Variants in ARHGAP26 observed in about 807,000 individuals in gnomAD.
The protein encoded by ARHGAP26 is rho GTPase-activating protein 26.
Under a neutral mutation model 104.8 loss-of-function variants are expected in ARHGAP26, and 38 were observed. That is an observed-to-expected ratio of 0.36 (90% CI 0.28 to 0.48). ARHGAP26 has a LOEUF of 0.48. Ranked by LOEUF, ARHGAP26 falls within the 20% of genes least tolerant of loss-of-function variation. ARHGAP26 has a pLI of 0.99. For synonymous variants in ARHGAP26, 341 were observed against 340.0 expected (o/e 1.00, Z -0.03); for missense variants, 704 against 947.9 (o/e 0.74, Z 3.38).
At chr5:142,817,563 G>C (rs1299914975) in intron 1 of ARHGAP26, among the ~76,000 whole-genome samples, 2 of 152,122 alleles carry the variant, frequency 1.3e-5, no homozygotes, top group African/African-American at 4.8e-5. Flanking sequence ...ATTGGGTCTG[G>C]GGTCGGGCCT....
intron 17 of ARHGAP26, among the ~76,000 whole-genome samples, chr5:143,114,214 GTC>G (rs1380773378): frequency 6.6e-6 from 1 of 152,200 alleles, no homozygotes; most frequent in African/African-American, 2.4e-5. Context: ...CCAGGCCTCA[GTC>G]AGTACACAGA....
chr5:142,945,031 C>T (rs1411495302), intron 11 of ARHGAP26, among the ~76,000 whole-genome samples: 2 of 152,164 alleles, frequency 1.3e-5, no homozygotes, highest in African/African-American at 2.4e-5. Flanking sequence ...TCCTCATTCA[C>T]CAGGCTGTGT....
rs1811788333 is a variant in ARHGAP26 at position 143,227,863 on chromosome 5, A to T, written c.*5417A>T. ...AATATTATGCTTACTGAGGAGAAAA[A>T]AAAAAGCGATCACAGAAAAATTTCA... On this transcript the variant is annotated 3_prime_UTR_variant, in exon 23 of 23. Coordinates refer to ENST00000645722, the MANE Select transcript of ARHGAP26 (RefSeq NM_001135608.3). The T allele has an allele frequency of 9.0e-6, 2 of 222,660 alleles. No homozygotes were observed. The highest frequency in any genetic ancestry group is 5.7e-5 in the Admixed American group (1 of 17,410). 13.8% of individuals were successfully genotyped at this position (222,660 alleles called of 1,614,324 possible).
chr5:143,132,804 G>A (rs1201273835), intron 18 of ARHGAP26, among the ~76,000 whole-genome samples: 1 of 150,470 alleles, frequency 6.6e-6, no homozygotes, highest in African/African-American at 2.4e-5. Flanking sequence ...AAAGGTGTGT[G>A]TTGATTGAAT....
chr5:142,773,693 G>A (rs574109853), intron 1 of ARHGAP26, among the ~76,000 whole-genome samples: 1 of 152,298 alleles, frequency 6.6e-6, no homozygotes, highest in East Asian at 1.9e-4. Context: ...GGGCTTTGAA[G>A]GCTAGAGGGA....
At chr5:143,054,328 G>T in intron 14 of ARHGAP26, 111 bp from the exon 15 acceptor site, 2 of 619,562 alleles carry the variant, frequency 3.2e-6, no homozygotes, top group Non-Finnish European at 2.7e-6. Context: ...TGTCATTTTT[G>T]TTTTACTTTG....
rs1431125405 is a variant in ARHGAP26 at position 143,014,252 on chromosome 5, A to G, written c.1144+136A>G. ...CTCCAGTTCCCGAGTGCAGTGGGAC[A>G]TGCCTCCACCCCAACTTTCCGCCAG... On this transcript the variant is annotated intron_variant, in intron 12 of 22. Transcript: ENST00000645722. 2.3e-5 allele frequency: 21 copies of G among 912,110 alleles called. No homozygotes were observed. In the East Asian group the frequency reaches 4.6e-4, roughly 20 times the overall value. 56.5% of individuals were successfully genotyped at this position (912,110 alleles called of 1,614,324 possible). A position where few individuals can be genotyped will look rare whatever the true frequency, so the allele number is the denominator to read the frequency against.
chr5:143,064,217 G>A (rs568715574), intron 17 of ARHGAP26, among the ~76,000 whole-genome samples: 105 of 152,132 alleles, frequency 6.9e-4, no homozygotes, highest in African/African-American at 2.5e-3. Flanking sequence ...AACAGTCCCT[G>A]TTGTCTCTTG....
At chr5:142,801,186 G>C (rs530837777) in intron 1 of ARHGAP26, among the ~76,000 whole-genome samples, 1 of 152,200 alleles carries the variant, frequency 6.6e-6, no homozygotes, top group South Asian at 2.1e-4. Flanking sequence ...CTTTCCTCTG[G>C]GTTTGAGCTG....
At chr5:143,079,986 G>A (rs1562383197) in intron 17 of ARHGAP26, among the ~76,000 whole-genome samples, 2 of 152,182 alleles carry the variant, frequency 1.3e-5, no homozygotes, top group African/African-American at 4.8e-5. Context: ...ATACTGGGGA[G>A]CCTCAGGAGT....
At chr5:142,910,524 A>C (rs1761699103) in intron 9 of ARHGAP26, among the ~76,000 whole-genome samples, 2 of 152,214 alleles carry the variant, frequency 1.3e-5, no homozygotes, top group African/African-American at 4.8e-5. Context: ...GGATCACCTG[A>C]GGTCAGGAGT....
intron 8 of ARHGAP26, among the ~76,000 whole-genome samples, chr5:142,904,211 C>T (rs1459916514): frequency 6.6e-6 from 1 of 151,990 alleles, no homozygotes; most frequent in African/African-American, 2.4e-5. Flanking sequence ...AAGAAGAAGG[C>T]TGCATGCGGT....
intron 17 of ARHGAP26, among the ~76,000 whole-genome samples, chr5:143,086,928 C>A (rs1347640823): frequency 6.6e-6 from 1 of 152,214 alleles, no homozygotes; most frequent in Non-Finnish European, 1.5e-5. Flanking sequence ...CCTACCTCCA[C>A]TGTCTCAAAT....
At chr5:142,999,182 A>G (rs1022452633) in intron 11 of ARHGAP26, among the ~76,000 whole-genome samples, 1 of 152,186 alleles carries the variant, frequency 6.6e-6, no homozygotes, top group African/African-American at 2.4e-5. Flanking sequence ...TCCCACAGTA[A>G]GGCAGTGACT....
At chr5:143,086,551 A>T (rs1375620216) in intron 17 of ARHGAP26, among the ~76,000 whole-genome samples, 1 of 152,190 alleles carries the variant, frequency 6.6e-6, no homozygotes, top group Non-Finnish European at 1.5e-5. Context: ...GTAAGAAATG[A>T]CTTCAAGGAG....
intron 20 of ARHGAP26, among the ~76,000 whole-genome samples, chr5:143,194,550 A>G (rs2151276772): frequency 6.6e-6 from 1 of 152,314 alleles, no homozygotes; most frequent in Middle Eastern, 3.4e-3. Flanking sequence ...TATCCAGAGT[A>G]AATTTGGATC....
chr5:142,913,155 C>T (rs564780387), intron 9 of ARHGAP26, 44 bp from the exon 10 acceptor site: 1 of 1,509,664 alleles, frequency 6.6e-7, no homozygotes, highest in African/African-American at 1.4e-5. Context: ...AGGAGTAGAG[C>T]TCCCATTCTG....
rs115472900 is a variant in ARHGAP26 at position 143,051,510 on chromosome 5, G to A, written c.1286-2929G>A. 5.3e-3 allele frequency among the ~76,000 whole-genome samples: 805 copies of A among 152,296 alleles called. 16 individuals are homozygous for A. The highest frequency in any genetic ancestry group is 0.018 in the African/African-American group (750 of 41,548). The stretch of plus-strand genomic sequence containing the variant: ...AGAAGAGTGTAAATGACGTCTCTGT[G>A]GCATATTCAGATGCCATCAGGAAGC... On this transcript the variant is annotated intron_variant, in intron 14 of 22. Coordinates refer to ENST00000645722, the MANE Select transcript of ARHGAP26 (RefSeq NM_001135608.3).
At chr5:142,835,352 C>T (rs1056948997) in intron 1 of ARHGAP26, among the ~76,000 whole-genome samples, 2 of 152,122 alleles carry the variant, frequency 1.3e-5, no homozygotes, top group Non-Finnish European at 1.5e-5. Context: ...CTAGATACCC[C>T]GTGTAAGAGA....
Sources: allele counts gnomAD v4.1 joint callset (sites outside exome capture counted in the v4.1 genomes callset), GRCh38; gene constraint gnomAD v4.1.1; transcripts MANE v1.5; gene names NCBI Gene and HGNC (gene_info 2026-07-23, HGNC 2026-07-21).